CELF4: variants seen among roughly 807,000 people sequenced by gnomAD.
CELF4 encodes CUG-BP- and ETR-3-like factor 4.
Under a neutral mutation model 59.9 loss-of-function variants are expected in CELF4, and 18 were observed. The ratio of observed to expected loss-of-function variants is 0.30; its 90% CI spans 0.21 to 0.45. CELF4 has a LOEUF of 0.45. CELF4 is among the 20% of genes least tolerant of loss of function. The probability of loss-of-function intolerance (pLI) is 1.00; values close to 1 mark genes in which losing one functional copy is unlikely to be tolerated. For synonymous variants in CELF4, 261 were observed against 267.1 expected, an observed-to-expected ratio of 0.98 and a Z score of 0.22; for missense variants, 456 against 689.0, an observed-to-expected ratio of 0.66 and a Z score of 3.79.
chr18:37,417,457 A>C (rs1237460465), intron 2 of CELF4, among the ~76,000 whole-genome samples: 3 of 152,214 alleles, frequency 2.0e-5, no homozygotes, highest in African/African-American at 7.2e-5. Context: ...TATGTTCAAG[A>C]TCCTTCCCCA....
chr18:37,266,057 G>A (rs2077389299), intron 9 of CELF4, among the ~76,000 whole-genome samples: 2 of 152,190 alleles, frequency 1.3e-5, no homozygotes, highest in Admixed American at 1.3e-4. Flanking sequence ...CCTGCTGCCA[G>A]TGTGTGAGGA....
intron 3 of CELF4, among the ~76,000 whole-genome samples, chr18:37,309,590 C>G (rs1338428650): frequency 6.6e-6 from 1 of 152,026 alleles, no homozygotes; most frequent in Non-Finnish European, 1.5e-5. Flanking sequence ...GATGGGAGAA[C>G]GAACTAGAGA....
chr18:37,422,234 C>G (rs1053354003), intron 2 of CELF4, among the ~76,000 whole-genome samples: 3 of 152,226 alleles, frequency 2.0e-5, no homozygotes, highest in Non-Finnish European at 4.4e-5. Context: ...CCTCTCCTCC[C>G]ACTGAGATGG....
chr18:37,479,911 A>T (rs1438872870), intron 2 of CELF4, among the ~76,000 whole-genome samples: 3 of 152,202 alleles, frequency 2.0e-5, no homozygotes, highest in African/African-American at 7.2e-5. Context: ...CTGGACACAG[A>T]CAATGTACAT....
intron 2 of CELF4, among the ~76,000 whole-genome samples, chr18:37,463,052 T>A (rs58070240): frequency 0.032 from 4,797 of 152,228 alleles, 264 homozygotes; most frequent in African/African-American, 0.11. Flanking sequence ...CTCAGGGAGC[T>A]CCTTTTCCAG....
At chr18:37,362,587 G>A (rs1053495074) in intron 2 of CELF4, among the ~76,000 whole-genome samples, 1 of 152,152 alleles carries the variant, frequency 6.6e-6, no homozygotes, top group African/African-American at 2.4e-5. Flanking sequence ...GGAGGGTCAC[G>A]GGGCTGCTGC....
At chr18:37,335,566 A>G (rs1236072185) in intron 2 of CELF4, among the ~76,000 whole-genome samples, 1 of 148,752 alleles carries the variant, frequency 6.7e-6, no homozygotes, top group African/African-American at 2.5e-5. Context: ...CGTGCTGTGT[A>G]AGTGTGGGAG....
At chr18:37,464,396 G>T (rs955989642) in intron 2 of CELF4, among the ~76,000 whole-genome samples, 1 of 152,116 alleles carries the variant, frequency 6.6e-6, no homozygotes, top group African/African-American at 2.4e-5. Context: ...GACTCCCATC[G>T]ATGCCTAGCC....
intron 4 of CELF4, 55 bp from the exon 5 acceptor site, chr18:37,274,939 C>G (rs1433870492): frequency 4.6e-5 from 73 of 1,583,608 alleles, no homozygotes; most frequent in Non-Finnish European, 6.2e-5. Flanking sequence ...AGGGAGGGGC[C>G]GGGAGGAGAG....
At chr18:37,410,285 A>AAGGAAAGG (rs1454974006) in intron 2 of CELF4, among the ~76,000 whole-genome samples, 1 of 152,216 alleles carries the variant, frequency 6.6e-6, no homozygotes. Context: ...TCCTGAAGAC[A>AAGGAAAGG]AGGAAAGGAG....
intron 2 of CELF4, among the ~76,000 whole-genome samples, chr18:37,456,550 T>C (rs2099778957): frequency 6.6e-6 from 1 of 152,288 alleles, no homozygotes; most frequent in African/African-American, 2.4e-5. Context: ...ATGATGAACA[T>C]GACTCCCTTA....
chr18:37,274,162 C>G (rs1203869859), intron 6 of CELF4, 149 bp downstream of exon 6: 14 of 1,473,798 alleles, frequency 9.5e-6, no homozygotes, highest in Non-Finnish European at 1.2e-5. Flanking sequence ...AAGTTAAACC[C>G]CCCAGGTTCA....
At chr18:37,494,543 T>G (rs1316035405) in intron 1 of CELF4, among the ~76,000 whole-genome samples, 1 of 152,206 alleles carries the variant, frequency 6.6e-6, no homozygotes, top group African/African-American at 2.4e-5. Flanking sequence ...TTATGTGTGT[T>G]TTTTTGGCAG....
intron 3 of CELF4, among the ~76,000 whole-genome samples, chr18:37,291,338 G>A (rs2095319979): frequency 6.6e-6 from 1 of 152,224 alleles, no homozygotes; most frequent in African/African-American, 2.4e-5. Context: ...CTGTGAGAAT[G>A]AATAGTGACT....
chr18:37,375,086 C>A (rs1315111032), intron 2 of CELF4, among the ~76,000 whole-genome samples: 1 of 152,158 alleles, frequency 6.6e-6, no homozygotes, highest in Non-Finnish European at 1.5e-5. Flanking sequence ...TTGGCTGCAG[C>A]TGGCCTAGGC....
At chr18:37,495,189 G>T (rs2099923788) in intron 1 of CELF4, among the ~76,000 whole-genome samples, 1 of 152,204 alleles carries the variant, frequency 6.6e-6, no homozygotes, top group African/African-American at 2.4e-5. Flanking sequence ...TTAGACCAGG[G>T]TGAGAAGCCA....
chr18:37,479,008 T>C (rs16968965), intron 2 of CELF4, among the ~76,000 whole-genome samples: 10,806 of 152,302 alleles, frequency 0.071, 673 homozygotes, highest in Admixed American at 0.2. Flanking sequence ...AGCTCTGTTA[T>C]AGCAAAGTCT....
intron 2 of CELF4, among the ~76,000 whole-genome samples, chr18:37,394,500 C>T (rs1170893680): frequency 6.6e-6 from 1 of 152,196 alleles, no homozygotes; most frequent in Non-Finnish European, 1.5e-5. Flanking sequence ...AGGCAGCGGC[C>T]GGCTCCCCCA....
intron 3 of CELF4, among the ~76,000 whole-genome samples, chr18:37,293,087 T>A (rs776896034): frequency 1.2e-3 from 176 of 152,284 alleles, no homozygotes; most frequent in Non-Finnish European, 1.8e-3. Flanking sequence ...GAAGCCTAGA[T>A]GTGGGCCCAC....
Sources: allele counts gnomAD v4.1 joint callset (sites outside exome capture counted in the v4.1 genomes callset), GRCh38; gene constraint gnomAD v4.1.1; transcripts MANE v1.5; gene names NCBI Gene and HGNC (gene_info 2026-07-23, HGNC 2026-07-21).